The following DIS3L variants were observed in gnomAD, a reference collection of about 807,000 sequenced individuals.
The protein encoded by DIS3L is DIS3-like exonuclease 1.
A neutral mutation model predicts 120.3 loss-of-function variants in DIS3L; 100 were observed. The ratio of observed to expected loss-of-function variants is 0.83; its 90% CI spans 0.71 to 0.98. The LOEUF (loss-of-function observed/expected upper bound fraction) is 0.98, where lower values mean the gene tolerates loss of function less well. Ranked by LOEUF, DIS3L falls within the 50% of genes least tolerant of loss-of-function variation. DIS3L has a pLI of 0.00. For missense variants in DIS3L, 1,196 were observed against 1,314.2 expected, an observed-to-expected ratio of 0.91 and a Z score of 1.39; for synonymous variants, 426 against 470.6, an observed-to-expected ratio of 0.91 and a Z score of 1.23.
chr15:66,332,676 T>C (rs1259591183), intron 15 of DIS3L, 60 bp from the exon 16 acceptor site: 9 of 1,455,332 alleles, frequency 6.2e-6, no homozygotes, highest in Non-Finnish European at 6.5e-6. Context: ...TAGATAAGCA[T>C]ACAAGATCTG....
chr15:66,309,094 A>AAAAAAAAAATATATAT lies in DIS3L; in HGVS notation c.558+251_558+252insAAAAAAAATATATATA. Among the ~76,000 whole-genome samples the AAAAAAAAAATATATAT allele has an allele frequency of 4.1e-3, 63 of 15,304 alleles. 6 individuals carry two copies. The highest frequency in any genetic ancestry group is 0.042 in the Middle Eastern group (1 of 24). 10.0% of individuals were successfully genotyped at this position (15,304 alleles called of 152,430 possible). On this transcript the variant is annotated intron_variant, in intron 4 of 16. Coordinates refer to ENST00000319212, the MANE Select transcript of DIS3L (RefSeq NM_001143688.3). ...CTTGTCTCTACAGAAAAAAAAAAAA[A>AAAAAAAAAATATATAT]ATATATATATCTCCAAGCATGGTGG... is the stretch of plus-strand genomic sequence containing the variant.
chr15:66,323,739 C>G (rs927434612), intron 11 of DIS3L, among the ~76,000 whole-genome samples, 154 bp downstream of exon 11: 2 of 152,150 alleles, frequency 1.3e-5, no homozygotes, highest in East Asian at 3.9e-4. Flanking sequence ...ACCCCAACCC[C>G]ACACCACTTA....
In DIS3L at chr15:66,306,840, C is replaced by G. The variant is rs755849191; in HGVS notation, c.310C>G (p.Arg104Gly). 1.9e-6 allele frequency: 3 copies of G among 1,613,900 alleles called. No homozygotes were observed. In the African/African-American group the frequency reaches 4.0e-5, roughly 22 times the overall value. The change falls in exon 3 of 17, where the codon CGA (arginine) becomes GGA (glycine). Residue 104 changes from arginine (R) to glycine (G), a missense_variant. Physicochemically the swap from Arg to Gly is moderately radical, Grantham distance 125 (BLOSUM62 -2). Transcript: ENST00000319212. ...QRGRRQYNKL[R>G]NLLKDARHDC... ...GTGTCACAGACAGTATAACAAACTG[C>G]GAAACCTGCTGAAGGATGCGCGTCA...
chr15:66,329,781 A>G (rs1018166133), intron 14 of DIS3L: 1 of 936,176 alleles, frequency 1.1e-6, no homozygotes, highest in Non-Finnish European at 1.3e-6. Context: ...GTGTGATGGC[A>G]CGCGCCTGTA....
At chr15:66,306,694 A>T in intron 2 of DIS3L, 130 bp from the exon 3 acceptor site, 2 of 1,300,538 alleles carry the variant, frequency 1.5e-6, no homozygotes, top group Non-Finnish European at 1.1e-6. Flanking sequence ...CAATATAAAT[A>T]CATGTTCTTC....
At chr15:66,325,343 G>A (rs185639507) in intron 11 of DIS3L, among the ~76,000 whole-genome samples, 4 of 152,182 alleles carry the variant, frequency 2.6e-5, no homozygotes, top group South Asian at 2.1e-4. Flanking sequence ...GCAGTGAGCC[G>A]AGATCGCACC....
chr15:66,330,417 T>A, intron 14 of DIS3L: 2 of 985,456 alleles, frequency 2.0e-6, no homozygotes, highest in Non-Finnish European at 2.4e-6. Context: ...CTATTTCATA[T>A]TACTAGTTGC....
At chr15:66,331,224 C>T (rs1267680375) in intron 14 of DIS3L, among the ~76,000 whole-genome samples, 2 of 152,040 alleles carry the variant, frequency 1.3e-5, no homozygotes, top group African/African-American at 4.8e-5. Flanking sequence ...CTAATTTAGA[C>T]TTCCACCAAT....
chr15:66,320,576 CA>C lies in DIS3L; in HGVS notation c.1171del (p.Arg391GlyfsTer24). The C allele has an allele frequency of 6.2e-7, 1 of 1,613,122 alleles. No homozygotes were observed. The highest frequency in any genetic ancestry group is 8.5e-7 in the Non-Finnish European group (1 of 1,179,648). On this transcript the variant is annotated frameshift_variant, in exon 9 of 17. Coordinates refer to ENST00000319212, the MANE Select transcript of DIS3L (RefSeq NM_001143688.3). LOFTEE classifies it high-confidence loss of function. Reference sequence around the variant, plus strand: ...TATTTTTTCCTTTTGTGCAGGACTTCAGGGTGGTCGTGCGCATCGATTCCTG... The same window carrying C: ...TATTTTTTCCTTTTGTGCAGGACTTCGGGTGGTCGTGCGCATCGATTCCTG... ...TQQAETLQDF[R>X]VVVRIDSWES...
At chr15:66,318,321 G>T in intron 7 of DIS3L, 128 bp from the exon 8 acceptor site, 7 of 1,005,798 alleles carry the variant, frequency 7.0e-6, no homozygotes, top group Non-Finnish European at 8.7e-6. Context: ...TCTTGAGTTG[G>T]GTGGATGTGC....
rs770718433 is a variant in DIS3L, at chr15:66,326,014, C to G, written c.1851C>G (p.Ser617Arg). The change falls in exon 12 of 17, where the codon AGC (serine) becomes AGG (arginine). Residue 617 changes from serine to arginine, a missense_variant. Coordinates refer to ENST00000319212, the MANE Select transcript of DIS3L (RefSeq NM_001143688.3). ...AATTCAAAGACTTGGATGAGAAGAGCAGACAAGCCAAGCTGGAGGAGTTGG... is the reference window on the plus strand; with the variant it reads ...AATTCAAAGACTTGGATGAGAAGAGGAGACAAGCCAAGCTGGAGGAGTTGG... ...IPEFKDLDEKSRQAKLEELVW... is the reference protein window; with the variant it reads ...IPEFKDLDEKRRQAKLEELVW... The G allele has an allele frequency of 3.1e-6, 5 of 1,614,134 alleles. No individual in the cohort carries two copies. In the East Asian group the frequency reaches 1.1e-4, roughly 36 times the overall value.
intron 11 of DIS3L, among the ~76,000 whole-genome samples, chr15:66,324,782 G>A (rs953719797): frequency 6.6e-6 from 1 of 152,030 alleles, no homozygotes; most frequent in Non-Finnish European, 1.5e-5. Context: ...TGTCACTTAT[G>A]TATCCCTTTC....
chr15:66,293,355 C>G (rs2092542204), upstream of DIS3L: 1 of 600,896 alleles, frequency 1.7e-6, no homozygotes, highest in Non-Finnish European at 2.3e-6. Context: ...CTAGTCTTCC[C>G]TCCGTCTCTG....
chr15:66,312,755 G>A (rs2092775088), intron 5 of DIS3L, among the ~76,000 whole-genome samples: 1 of 152,232 alleles, frequency 6.6e-6, no homozygotes, highest in African/African-American at 2.4e-5. Context: ...CACATGCATA[G>A]ATTTGTGTGT....
chr15:66,318,979 G>A (rs2092851656), intron 8 of DIS3L, among the ~76,000 whole-genome samples: 1 of 152,106 alleles, frequency 6.6e-6, no homozygotes, highest in Non-Finnish European at 1.5e-5. Flanking sequence ...TTTTAGTAGA[G>A]ATGGGGTTTC....
intron 14 of DIS3L, chr15:66,330,278 CAG>C: frequency 1.0e-6 from 1 of 984,654 alleles, no homozygotes; most frequent in Non-Finnish European, 1.2e-6. Flanking sequence ...GCCTGGGTGA[CAG>C]AGCGAAACTC....
intron 7 of DIS3L, among the ~76,000 whole-genome samples, chr15:66,315,589 A>G (rs550085951): frequency 1.3e-5 from 2 of 152,254 alleles, no homozygotes; most frequent in South Asian, 4.1e-4. Flanking sequence ...CTTCCTCTCC[A>G]TTATCAATTT....
intron 4 of DIS3L, among the ~76,000 whole-genome samples, chr15:66,310,403 A>G (rs143366425): frequency 9.6e-4 from 146 of 152,308 alleles, no homozygotes; most frequent in Middle Eastern, 3.4e-3. Context: ...GTCCAGTGGT[A>G]TAGTACAGTT....
chr15:66,293,447 A>C (rs1433258523), upstream of DIS3L: 2 of 1,206,032 alleles, frequency 1.7e-6, no homozygotes, highest in Non-Finnish European at 2.1e-6. Flanking sequence ...GCCGGGCCCC[A>C]GCCTGGAGCG....
Sources: gnomAD v4.1 joint callset for allele counts (sites outside exome capture counted in the v4.1 genomes callset) on GRCh38, gnomAD v4.1.1 for gene constraint, MANE v1.5 for transcripts, NCBI Gene and HGNC (gene_info 2026-07-23, HGNC 2026-07-21) for gene names.